The following ZNF541 variants were observed in gnomAD, a reference collection of about 807,000 sequenced individuals.
ZNF541 encodes the protein zinc finger protein 541.
In ZNF541, 23 loss-of-function variants were observed where a neutral mutation model predicts 123.5. The observed-to-expected ratio is 0.19, with a 90% CI of 0.13 to 0.26. The LOEUF is 0.26. ZNF541 is among the 10% of genes least tolerant of loss of function. The probability of loss-of-function intolerance (pLI) is 1.00; values close to 1 mark genes in which losing one functional copy is unlikely to be tolerated. For missense variants in ZNF541, 1,612 were observed against 1,789.9 expected (o/e 0.90, Z 1.79); for synonymous variants, 751 against 754.5 (o/e 1.00, Z 0.08).
chr19:47,544,984 G>A lies in ZNF541; in HGVS notation c.1545C>T (p.Asn515=), dbSNP rs1411670529. The A allele has an allele frequency of 5.9e-6, 9 of 1,529,796 alleles. No individual in the cohort carries two copies. Among genetic ancestry groups the A allele is most frequent in the South Asian group, 1.2e-5 (1 of 83,552 alleles). 94.8% of individuals were successfully genotyped at this position (1,529,796 alleles called of 1,614,324 possible). The change falls in exon 5 of 17, where the codon AAC becomes AAT. Residue 515 remains asparagine (N), a synonymous_variant. Transcript: ENST00000391901. ...CCTCCTGGAGGCCGGGCTCCCCGGGGTTCTGGCACAGGAAGGAGTCGCAGT... is the reference window on the plus strand; with the variant it reads ...CCTCCTGGAGGCCGGGCTCCCCGGGATTCTGGCACAGGAAGGAGTCGCAGT... ...KVDCDSFLCQ[N]PGEPGLQEAQ...
At chr19:47,557,021 G>T (rs1970852285) in intron 2 of ZNF541, among the ~76,000 whole-genome samples, 2 of 152,178 alleles carry the variant, frequency 1.3e-5, no homozygotes, top group African/African-American at 2.4e-5. Context: ...GCCTCCCAAA[G>T]TGCTGGGATT....
At chr19:47,532,709 CAT>C (rs34750623) in intron 10 of ZNF541, among the ~76,000 whole-genome samples, 198 bp downstream of exon 10, 9 of 150,012 alleles carry the variant, frequency 6.0e-5, no homozygotes, top group East Asian at 5.9e-4. Flanking sequence ...GGGGGATTTT[CAT>C]ATATATATAT....
chr19:47,532,057 G>A, intron 11 of ZNF541, 71 bp downstream of exon 11: 1 of 1,531,846 alleles, frequency 6.5e-7, no homozygotes, highest in South Asian at 1.2e-5. Context: ...TCCAGACCTA[G>A]GAGGAAAAAC....
chr19:47,521,872 C>G lies in ZNF541; in HGVS notation c.3693G>C (p.Val1231=). The change falls in exon 15 of 17, where the codon GTG becomes GTC. Residue 1231 remains valine (V), a synonymous_variant. Transcript: ENST00000391901. This position sits in a 1 kb window ranked among gnomAD's most constrained non-coding sequence, Gnocchi z 4.2. The part of the protein sequence containing the change: ...EKRVKREPEE[V]ERTEEKVPCS... ...CCTCTACCTTTTCCTCTGTCCTTTCCACTTCCTCCGGCTCTCTCTTGACCC... is the reference window on the plus strand; with the variant it reads ...CCTCTACCTTTTCCTCTGTCCTTTCGACTTCCTCCGGCTCTCTCTTGACCC... 1 of 1,551,776 alleles carries G rather than the reference C, an allele frequency of 6.4e-7. No individual in the cohort carries two copies. The highest frequency in any genetic ancestry group is 2.4e-5 in the East Asian group (1 of 40,926).
intron 9 of ZNF541, among the ~76,000 whole-genome samples, chr19:47,535,825 C>T (rs577893922): frequency 3.3e-5 from 5 of 152,066 alleles, no homozygotes; most frequent in South Asian, 4.2e-4. Context: ...GAGACCAGCT[C>T]GGTCGGGGAG....
chr19:47,560,087 GC>G (rs1970998770), intron 2 of ZNF541, among the ~76,000 whole-genome samples: 1 of 152,098 alleles, frequency 6.6e-6, no homozygotes, highest in African/African-American at 2.4e-5. Context: ...CAAAGATCTT[GC>G]CTTTTTTTGT....
intron 3 of ZNF541, among the ~76,000 whole-genome samples, chr19:47,551,053 A>G (rs965201304): frequency 8.4e-5 from 12 of 143,496 alleles, no homozygotes; most frequent in Admixed American, 4.1e-4. Flanking sequence ...TTTTTTTTTT[A>G]ATTTTTTTTT....
chr19:47,564,833 A>G (rs1971201271), intron 2 of ZNF541, among the ~76,000 whole-genome samples: 1 of 152,226 alleles, frequency 6.6e-6, no homozygotes, highest in African/African-American at 2.4e-5. Flanking sequence ...AAAAGAAGTC[A>G]TTATAAGAAA....
chr19:47,542,187 A>G (rs1412248877), intron 5 of ZNF541, among the ~76,000 whole-genome samples: 1 of 152,174 alleles, frequency 6.6e-6, no homozygotes, highest in African/African-American at 2.4e-5. Flanking sequence ...AGACACATCC[A>G]CAGAGACAGA....
chr19:47,545,029 G>A lies in ZNF541; in HGVS notation c.1500C>T (p.Ala500=), dbSNP rs1322563266. The A allele has an allele frequency of 1.3e-6, 2 of 1,492,314 alleles. No individual in the cohort carries two copies. Among genetic ancestry groups the A allele is most frequent in the South Asian group, 2.5e-5 (2 of 78,630 alleles). The allele number at this position is 1,492,314 out of a possible 1,614,324, so 92.4% of individuals were successfully genotyped here. A position where few individuals can be genotyped will look rare whatever the true frequency, so the allele number is the denominator to read the frequency against. ...CGCAGTCGACCTTGACCTTCTTGGG[G>A]GCGCAGGGGTCATCTTCCCCGCTGG... is the stretch of plus-strand genomic sequence containing the variant. ...RSASGEDDPC[A]PKKVKVDCDS... is the part of the protein sequence containing the mutation. The change falls in exon 5 of 17, where the codon GCC becomes GCT. Residue 500 remains alanine (A), a synonymous_variant. Coordinates refer to ENST00000391901, the MANE Select transcript of ZNF541 (RefSeq NM_001277075.3). The surrounding 1 kb of genome is among the most constrained non-coding windows in gnomAD (Gnocchi z 7.5).
intron 2 of ZNF541, among the ~76,000 whole-genome samples, chr19:47,557,219 T>C (rs892831768): frequency 6.6e-6 from 1 of 152,108 alleles, no homozygotes; most frequent in Non-Finnish European, 1.5e-5. Context: ...CCTGGGATGA[T>C]AGCAGACACG....
In ZNF541 at chr19:47,549,443, CCTT is replaced by C. The variant is rs1468788064; in HGVS notation, c.347_349del (p.Glu116del). On this transcript the variant is annotated inframe_deletion, in exon 4 of 17. Transcript: ENST00000391901. ...GGCACTCCCCGAGGTGGCCCTTCCT[CCTT>C]CGTCAGCCTCTTTAGCCTTAAGCAC... 12 of 1,551,592 alleles carry C rather than the reference CCTT, an allele frequency of 7.7e-6. No homozygotes were observed. The highest frequency in any genetic ancestry group is 3.9e-5 in the Admixed American group (2 of 50,946).
intron 2 of ZNF541, among the ~76,000 whole-genome samples, chr19:47,559,512 G>A (rs1047850909): frequency 2.6e-5 from 4 of 152,000 alleles, no homozygotes; most frequent in Admixed American, 6.6e-5. Flanking sequence ...CAAAACTCTG[G>A]GAAGCAGTCA....
At chr19:47,542,541 A>G (rs562547551) in intron 5 of ZNF541, among the ~76,000 whole-genome samples, 1 of 152,210 alleles carries the variant, frequency 6.6e-6, no homozygotes, top group East Asian at 1.9e-4. Flanking sequence ...AATCCCAGCT[A>G]CTTGGAAGGC....
intron 12 of ZNF541, among the ~76,000 whole-genome samples, chr19:47,531,144 A>G (rs1009183413): frequency 1.4e-5 from 2 of 144,174 alleles, no homozygotes; most frequent in Non-Finnish European, 3.0e-5. Flanking sequence ...CATGACTCTT[A>G]GATCCTTAAC....
rs1469084405 is a variant in ZNF541 at position 47,544,253 on chromosome 19, T to G, written c.2276A>C (p.Lys759Thr). 5 of 1,551,622 alleles carry G rather than the reference T, an allele frequency of 3.2e-6. No homozygotes were observed. The highest frequency in any genetic ancestry group is 2.6e-6 in the Non-Finnish European group (3 of 1,147,004). Residue 759 changes from lysine (K) to threonine (T), a missense_variant, in exon 5 of 17, where the codon AAA becomes ACA. Coordinates refer to ENST00000391901, the MANE Select transcript of ZNF541 (RefSeq NM_001277075.3). ...PRAPRFSGFR[K>T]EKAKMDMCCA... is the part of the protein sequence containing the mutation. ...GCACATATCCATCTTCGCCTTCTCT[T>G]TCCGGAAGCCGGAGAATCGCGGGGC...
rs745715368 is a variant in ZNF541 at position 47,521,548 on chromosome 19, G to C, written c.3818C>G (p.Ser1273Cys). 5.6e-5 allele frequency: 87 copies of C among 1,551,536 alleles called. 1 individual carries two copies. Among genetic ancestry groups the C allele is most frequent in the Non-Finnish European group, 7.2e-5 (83 of 1,146,994 alleles). ...TCCCAACAGCTCGGGGGTCCGCTTGGAGCCTGCATTTGGGCTGGAGCTGAG... is the reference window on the plus strand; with the variant it reads ...TCCCAACAGCTCGGGGGTCCGCTTGCAGCCTGCATTTGGGCTGGAGCTGAG... ...SILSSSPNAG[S>C]KRTPELLGSA... The change falls in exon 16 of 17, where the codon TCC becomes TGC. Residue 1273 changes from serine (S) to cysteine (C), a missense_variant. By Grantham distance (112) the Ser-to-Cys change is moderately radical. Around this residue, in one of 5 missense-constraint regions of ZNF541, gnomAD observed 285 missense variants for 407.3 expected, o/e 0.70. Transcript: ENST00000391901. This position sits in a 1 kb window ranked among gnomAD's most constrained non-coding sequence, Gnocchi z 4.2.
chr19:47,547,427 A>C (rs1374716142), intron 4 of ZNF541, among the ~76,000 whole-genome samples: 1 of 152,288 alleles, frequency 6.6e-6, no homozygotes, highest in Middle Eastern at 3.4e-3. Context: ...AGAGGAGTAC[A>C]TCACCCTCTG....
chr19:47,544,914 G>C lies in ZNF541; in HGVS notation c.1615C>G (p.Arg539Gly). Residue 539 changes from arginine (R) to glycine (G), a missense_variant, in exon 5 of 17, where the codon CGC becomes GGC. Around this residue, in one of 5 missense-constraint regions of ZNF541, gnomAD observed 1,080 missense variants for 1,013.8 expected, o/e 1.07. Coordinates refer to ENST00000391901, the MANE Select transcript of ZNF541 (RefSeq NM_001277075.3). ...TCCTGCGACTTGAGGAAGAGCTGGC[G>C]GAAGAGCGGCGAGGCATCCGCAGGG... Reference protein sequence around the residue: ...GLPADASPLFRQLFLKSQEPL... With the variant: ...GLPADASPLFGQLFLKSQEPL... The C allele has an allele frequency of 2.0e-6, 3 of 1,535,944 alleles. No individual in the cohort carries two copies. The highest frequency in any genetic ancestry group is 2.6e-6 in the Non-Finnish European group (3 of 1,146,766).
Sources: allele counts gnomAD v4.1 joint callset (sites outside exome capture counted in the v4.1 genomes callset), GRCh38; gene constraint gnomAD v4.1.1; regional missense constraint gnomAD v4.1.1; non-coding constraint Gnocchi (gnomAD v3.1); transcripts MANE v1.5; gene names NCBI Gene and HGNC (gene_info 2026-07-23, HGNC 2026-07-21).